ABR: variants seen among roughly 807,000 people sequenced by gnomAD.
The protein encoded by ABR is ABR activator of RhoGEF and GTPase, also known as active breakpoint cluster region-related protein.
In ABR, 35 loss-of-function variants were observed where a neutral mutation model predicts 107.2. That is an observed-to-expected ratio of 0.33 (90% CI 0.25 to 0.43). ABR has a LOEUF of 0.43. Ranked by LOEUF, ABR falls within the 20% of genes least tolerant of loss-of-function variation. The pLI, the probability that ABR is intolerant of heterozygous loss-of-function variation, is 1.00. For synonymous variants in ABR, 498 were observed against 462.0 expected, an observed-to-expected ratio of 1.08 and a Z score of -1.00; for missense variants, 815 against 1,115.2, an observed-to-expected ratio of 0.73 and a Z score of 3.83.
At chr17:1,056,240 CA>C (rs1354279651) in intron 13 of ABR, 131 bp from the exon 14 acceptor site, 2 of 817,364 alleles carry the variant, frequency 2.4e-6, no homozygotes, top group Non-Finnish European at 4.0e-6. Flanking sequence ...ACCTGGTGGC[CA>C]GATGAAAAAG....
At chr17:1,193,093 G>A (rs973054478) in intron 1 of ABR, among the ~76,000 whole-genome samples, 10 of 152,144 alleles carry the variant, frequency 6.6e-5, no homozygotes, top group Admixed American at 3.3e-4. Flanking sequence ...AGAGGCAGAC[G>A]TGGAAATGGA....
chr17:1,102,861 C>T (rs943339057), intron 2 of ABR, among the ~76,000 whole-genome samples: 3 of 152,134 alleles, frequency 2.0e-5, no homozygotes, highest in Admixed American at 2.0e-4. Flanking sequence ...CAGGCGTCCA[C>T]CATCACACCC....
intron 4 of ABR, chr17:1,083,842 A>C: frequency 1.9e-6 from 1 of 530,700 alleles, no homozygotes; most frequent in Non-Finnish European, 3.4e-6. Context: ...AATAAGGTTA[A>C]TGAGGGGGTC....
rs531531599 is a variant in ABR at position 1,092,331 on chromosome 17, C to A, written c.346-481G>T. 1.3e-5 allele frequency among the ~76,000 whole-genome samples: 2 copies of A among 152,258 alleles called. No individual in the cohort carries two copies. Among genetic ancestry groups the A allele is most frequent in the South Asian group, 4.1e-4 (2 of 4,826 alleles). The stretch of plus-strand genomic sequence containing the variant: ...TTACTCAAGACCAGTCTTGGCCTCA[C>A]TGATGTTCCAAGTTCCCGTCACTTG... On this transcript the variant is annotated intron_variant, in intron 3 of 22. Coordinates refer to ENST00000302538, the MANE Select transcript of ABR (RefSeq NM_021962.5). This position sits in a 1 kb window ranked among gnomAD's most constrained non-coding sequence, Gnocchi z 4.6.
intron 1 of ABR, among the ~76,000 whole-genome samples, chr17:1,142,966 ACTCCTGGGGGACAGCTCG>A (rs918088440): frequency 6.9e-6 from 1 of 145,472 alleles, no homozygotes; most frequent in East Asian, 2.1e-4. Flanking sequence ...GAGGAAGCTC[ACTCCTGGGGGACAGCTCG>A]CTCCTGGGGG....
At chr17:1,195,304 C>CAAA (rs564020208) in intron 1 of ABR, among the ~76,000 whole-genome samples, 6 of 87,654 alleles carry the variant, frequency 6.8e-5, no homozygotes, top group Non-Finnish European at 9.5e-5. Flanking sequence ...GAGACTGTCT[C>CAAA]AAAAAAAAAA....
chr17:1,207,457 C>G (rs1401688013), intron 1 of ABR, among the ~76,000 whole-genome samples: 2 of 151,914 alleles, frequency 1.3e-5, no homozygotes, highest in Non-Finnish European at 2.9e-5. Flanking sequence ...CGAGACCAGC[C>G]TGGCCAACAT....
chr17:1,062,721 G>C (rs544032223), intron 10 of ABR, among the ~76,000 whole-genome samples: 1 of 147,096 alleles, frequency 6.8e-6, no homozygotes, highest in African/African-American at 2.4e-5. Flanking sequence ...TGTGAACTGA[G>C]GGCTATGCAT....
chr17:1,150,596 C>T lies in ABR; in HGVS notation c.62-25229G>A, dbSNP rs749333844. ...TGCCCCCTCTCACTCCTCCGGCGGCCGCCGTCCACTCCCAGTCCTAGATCT... is the reference window on the plus strand; with the variant it reads ...TGCCCCCTCTCACTCCTCCGGCGGCTGCCGTCCACTCCCAGTCCTAGATCT... On this transcript the variant is annotated intron_variant, in intron 1 of 22. Coordinates refer to ENST00000302538, the MANE Select transcript of ABR (RefSeq NM_021962.5). The surrounding 1 kb of genome is among the most constrained non-coding windows in gnomAD (Gnocchi z 4.8). Among the ~76,000 whole-genome samples, 33 of 152,216 alleles carry T rather than the reference C, an allele frequency of 2.2e-4. No homozygotes were observed. Among genetic ancestry groups the T allele is most frequent in the Non-Finnish European group, 1.5e-5 (1 of 68,042 alleles).
At chr17:1,094,184 A>G (rs1328662150) in intron 3 of ABR, among the ~76,000 whole-genome samples, 2 of 152,040 alleles carry the variant, frequency 1.3e-5, no homozygotes, top group Non-Finnish European at 2.9e-5. Context: ...AGGCAAGCGC[A>G]TGGGGTTCCA....
At chr17:1,171,294 G>T (rs530665863) in intron 1 of ABR, among the ~76,000 whole-genome samples, 2 of 152,148 alleles carry the variant, frequency 1.3e-5, no homozygotes, top group Non-Finnish European at 2.9e-5. Flanking sequence ...AGGAGGAAGG[G>T]GTTAGCCCAG....
intron 16 of ABR, among the ~76,000 whole-genome samples, chr17:1,026,069 T>C (rs938605509): frequency 1.3e-5 from 2 of 152,190 alleles, no homozygotes; most frequent in African/African-American, 2.4e-5. Context: ...TCTCCCAGGG[T>C]GCTCAGGGTT....
intron 16 of ABR, among the ~76,000 whole-genome samples, chr17:1,014,832 T>C (rs1033905482): frequency 6.0e-5 from 9 of 151,098 alleles, no homozygotes; most frequent in African/African-American, 2.2e-4. Context: ...GGCGACAGAG[T>C]GAGACTCCGT....
chr17:1,165,295 G>A (rs905478416), intron 1 of ABR, among the ~76,000 whole-genome samples: 1 of 152,232 alleles, frequency 6.6e-6, no homozygotes, highest in Non-Finnish European at 1.5e-5. Flanking sequence ...TTTCTCCCGG[G>A]CAGAGGGAGC....
At chr17:1,081,048 G>A (rs1398838920) in intron 5 of ABR, among the ~76,000 whole-genome samples, 1 of 152,110 alleles carries the variant, frequency 6.6e-6, no homozygotes, top group Non-Finnish European at 1.5e-5. Context: ...TTGGGTGTGG[G>A]GGTTTCTGCC....
In ABR at chr17:1,011,873, G is replaced by C. The variant is rs2070586834; in HGVS notation, c.2074C>G (p.Gln692Glu). ...YRISGVATDI[Q>E]ALKAVFDANN... is the part of the protein sequence containing the mutation. ...GCATCGAAGACGGCCTTGAGCGCCT[G>C]GATGTCCGTGGCCACGCCCGATATC... The change falls in exon 19 of 23, where the codon CAG becomes GAG. Residue 692 changes from glutamine (Q) to glutamate (E), a missense_variant. Gln to Glu is a conservative substitution (Grantham distance 29). Around this residue, in one of 5 missense-constraint regions of ABR, gnomAD observed 175 missense variants for 284.3 expected, o/e 0.62. Transcript: ENST00000302538. The surrounding 1 kb of genome is among the most constrained non-coding windows in gnomAD (Gnocchi z 4.8). The C allele has an allele frequency of 6.3e-7, 1 of 1,595,526 alleles. No individual in the cohort carries two copies. Among genetic ancestry groups the C allele is most frequent in the Non-Finnish European group, 8.6e-7 (1 of 1,166,554 alleles).
chr17:1,061,075 C>A (rs1029401343), intron 10 of ABR, among the ~76,000 whole-genome samples: 11 of 152,248 alleles, frequency 7.2e-5, no homozygotes, highest in Non-Finnish European at 1.5e-4. Flanking sequence ...TCTCCAGTGA[C>A]TCACATGTAC....
At chr17:1,058,963 T>C (rs1387798895) in intron 10 of ABR, 96 bp from the exon 11 acceptor site, 1 of 1,510,242 alleles carries the variant, frequency 6.6e-7, no homozygotes, top group Non-Finnish European at 8.9e-7. Flanking sequence ...TAACATGCTC[T>C]TTACATTTTC....
intron 2 of ABR, chr17:1,101,049 C>A (rs1168544962): frequency 5.7e-6 from 2 of 352,436 alleles, no homozygotes; most frequent in African/African-American, 4.1e-5. Context: ...ATATAGAACT[C>A]CTGACCTCAG....
Sources: gnomAD v4.1 joint callset for allele counts (sites outside exome capture counted in the v4.1 genomes callset) on GRCh38, gnomAD v4.1.1 for gene constraint, gnomAD v4.1.1 regional missense constraint, Gnocchi (gnomAD v3.1) non-coding constraint, MANE v1.5 for transcripts, NCBI Gene and HGNC (gene_info 2026-07-23, HGNC 2026-07-21) for gene names.